TMC5: variants seen among roughly 807,000 people sequenced by gnomAD.
TMC5 encodes the protein transmembrane channel like 5, also known as transmembrane channel-like protein 5.
Under a neutral mutation model 110.5 loss-of-function variants are expected in TMC5, and 86 were observed. The observed-to-expected ratio is 0.78, with a 90% CI of 0.65 to 0.93. TMC5 has a LOEUF of 0.93. Among genes scored for constraint, TMC5 ranks in the 40% least tolerant of loss-of-function variants. The pLI is 0.00. For synonymous variants in TMC5, 455 were observed against 439.5 expected (o/e 1.04, Z -0.44); for missense variants, 1,144 against 1,222.8 (o/e 0.94, Z 0.96).
chr16:19,453,738 A>G (rs1024164986), intron 5 of TMC5, among the ~76,000 whole-genome samples: 2 of 152,228 alleles, frequency 1.3e-5, no homozygotes, highest in Admixed American at 1.3e-4. Context: ...ACTGCACTCC[A>G]GCCTAGGGGA....
intron 5 of TMC5, among the ~76,000 whole-genome samples, chr16:19,457,782 G>A (rs1004848474): frequency 3.8e-5 from 5 of 131,648 alleles, no homozygotes; most frequent in Non-Finnish European, 7.8e-5. Context: ...GGAGTGTAGA[G>A]GCACAATCTT....
chr16:19,441,186 T>G (rs1967480934), intron 3 of TMC5, among the ~76,000 whole-genome samples: 1 of 152,208 alleles, frequency 6.6e-6, no homozygotes, highest in Non-Finnish European at 1.5e-5. Context: ...ACACTTTAAT[T>G]AAAATTACAT....
At chr16:19,485,408 G>A (rs1386563585) in intron 15 of TMC5, among the ~76,000 whole-genome samples, 1 of 151,998 alleles carries the variant, frequency 6.6e-6, no homozygotes, top group East Asian at 1.9e-4. Flanking sequence ...ATCTTCCTGG[G>A]GTCAGTAAGA....
chr16:19,413,338 A>G (rs896119365), upstream of TMC5, among the ~76,000 whole-genome samples: 2 of 151,796 alleles, frequency 1.3e-5, no homozygotes, highest in African/African-American at 4.8e-5. Flanking sequence ...AGCCCAGAGA[A>G]CACGGCAAGA....
chr16:19,415,799 T>G (rs1966873931), upstream of TMC5, among the ~76,000 whole-genome samples: 1 of 152,134 alleles, frequency 6.6e-6, no homozygotes, highest in Non-Finnish European at 1.5e-5. Context: ...TTTCCTCTGA[T>G]CATACAATTT....
intron 5 of TMC5, among the ~76,000 whole-genome samples, chr16:19,453,011 T>TATATATA (rs71375640): frequency 1.4e-5 from 2 of 145,486 alleles, no homozygotes; most frequent in African/African-American, 5.0e-5. Context: ...TATATATATA[T>TATATATA]TATATATATA....
chr16:19,440,963 G>A lies in TMC5; in HGVS notation c.788+137G>A, dbSNP rs1037808930. The stretch of plus-strand genomic sequence containing the variant: ...ATGACCTGAAGTTGTGGTGAAATGC[G>A]CATACCTATCTGTAGACCTTACCTG... On this transcript the variant is annotated intron_variant, in intron 3 of 21. Transcript: ENST00000542583. 31 of 853,604 alleles carry A rather than the reference G, an allele frequency of 3.6e-5. No individual in the cohort carries two copies. The African/African-American group carries it at 4.3e-4, about 12-fold the overall frequency. The allele number at this position is 853,604 out of a possible 1,614,324, so 52.9% of individuals were successfully genotyped here.
intron 20 of TMC5, 62 bp downstream of exon 20, chr16:19,494,428 C>T (rs1004956511): frequency 1.5e-5 from 18 of 1,164,714 alleles, no homozygotes; most frequent in African/African-American, 1.5e-5. Context: ...GTAAAAAGCG[C>T]GTCAGAGAAC....
chr16:19,462,071 A>T (rs1203043688), intron 6 of TMC5, among the ~76,000 whole-genome samples: 2 of 152,174 alleles, frequency 1.3e-5, no homozygotes, highest in Non-Finnish European at 2.9e-5. Flanking sequence ...AACAAAGCAG[A>T]TGTGGTGAGT....
intron 1 of TMC5, among the ~76,000 whole-genome samples, chr16:19,427,810 G>T (rs193083703): frequency 9.8e-4 from 148 of 151,544 alleles, no homozygotes; most frequent in African/African-American, 3.5e-3. Flanking sequence ...AGGCAAAGTC[G>T]CCCCCACTTG....
rs1968760189 is a variant in TMC5 at position 19,487,005 on chromosome 16, G to A, written c.2424G>A (p.Met808Ile). Residue 808 changes from methionine to isoleucine, a missense_variant, in exon 16 of 22, where the codon ATG (methionine) becomes ATA (isoleucine). Physicochemically the swap from Met to Ile is conservative, Grantham distance 10 (BLOSUM62 1). Transcript: ENST00000542583. Reference sequence around the variant, plus strand: ...TCCAAATGATTATGCTTTTCATCATGTTCTACTCCAAAAATGTGAGTCAGT... The same window carrying A: ...TCCAAATGATTATGCTTTTCATCATATTCTACTCCAAAAATGTGAGTCAGT... ...PFIQMIMLFI[M>I]FYSKNISLMM... is the part of the protein sequence containing the mutation. The A allele has an allele frequency of 1.9e-6, 3 of 1,613,824 alleles. No homozygotes were observed. The highest frequency in any genetic ancestry group is 2.5e-6 in the Non-Finnish European group (3 of 1,180,010).
intron 5 of TMC5, 95 bp from the exon 6 acceptor site, chr16:19,460,140 C>T: frequency 1.2e-6 from 1 of 829,734 alleles, no homozygotes; most frequent in African/African-American, 1.7e-5. Context: ...TAAACTTCTT[C>T]CCTTGTGTTA....
At chr16:19,485,788 G>A (rs1162319826) in intron 15 of TMC5, among the ~76,000 whole-genome samples, 1 of 152,222 alleles carries the variant, frequency 6.6e-6, no homozygotes, top group African/African-American at 2.4e-5. Flanking sequence ...TAAAAAATGG[G>A]AGAATGGCAT....
chr16:19,448,550 T>TC (rs920293873), intron 4 of TMC5, among the ~76,000 whole-genome samples: 1 of 150,966 alleles, frequency 6.6e-6, no homozygotes, highest in African/African-American at 2.4e-5. Context: ...GCCTGGGAGG[T>TC]CAAAGCTGCA....
chr16:19,458,542 A>G (rs1037376187), intron 5 of TMC5, among the ~76,000 whole-genome samples: 1 of 152,072 alleles, frequency 6.6e-6, no homozygotes, highest in Non-Finnish European at 1.5e-5. Context: ...TCACCCCCAC[A>G]GTATTCCAGG....
intron 2 of TMC5, among the ~76,000 whole-genome samples, chr16:19,433,659 C>T (rs1324485666): frequency 6.6e-6 from 1 of 151,126 alleles, no homozygotes; most frequent in Non-Finnish European, 1.5e-5. Flanking sequence ...CTTTTTATTG[C>T]CACACATAGT....
chr16:19,440,897 G>T (rs1597172268), intron 3 of TMC5, 71 bp downstream of exon 3: 1 of 1,494,644 alleles, frequency 6.7e-7, no homozygotes, highest in Non-Finnish European at 9.1e-7. Context: ...AATGGAATTT[G>T]GTTGGTGTGG....
At chr16:19,497,191 G>A (rs1969078873) in intron 21 of TMC5, 28 bp downstream of exon 21, 1 of 1,603,686 alleles carries the variant, frequency 6.2e-7, no homozygotes, top group African/African-American at 1.3e-5. Context: ...GACAGAATAA[G>A]ACACTAATTT....
chr16:19,487,101 C>A, intron 16 of TMC5, 81 bp downstream of exon 16: 1 of 1,607,782 alleles, frequency 6.2e-7, no homozygotes, highest in Non-Finnish European at 8.5e-7. Context: ...GGGAAGGGGG[C>A]TCTGCAAAGG....
Sources: allele counts gnomAD v4.1 joint callset (sites outside exome capture counted in the v4.1 genomes callset), GRCh38; gene constraint gnomAD v4.1.1; transcripts MANE v1.5; gene names NCBI Gene and HGNC (gene_info 2026-07-23, HGNC 2026-07-21).